PCDH11X: variants seen among roughly 807,000 people sequenced by gnomAD.
The protein encoded by PCDH11X is protocadherin-11 X-linked.
In PCDH11X, 18 loss-of-function variants were observed where a neutral mutation model predicts 53.3. The ratio of observed to expected loss-of-function variants is 0.34; its 90% CI spans 0.23 to 0.50. PCDH11X has a LOEUF of 0.50. Among genes scored for constraint, PCDH11X ranks in the 20% least tolerant of loss-of-function variants. PCDH11X has a pLI of 0.98. For synonymous variants in PCDH11X, 279 were observed against 393.3 expected (o/e 0.71, Z 3.44); for missense variants, 570 against 1,032.4 (o/e 0.55, Z 6.14).
At chrX:92,102,611 T>C (rs1328338061) in intron 6 of PCDH11X, among the ~76,000 whole-genome samples, 1 of 111,884 alleles carries the variant, frequency 8.9e-6, no homozygotes, top group African/African-American at 3.3e-5. Flanking sequence ...CTGTGAAGCC[T>C]TGTGGCAGTA....
intron 1 of PCDH11X, among the ~76,000 whole-genome samples, chrX:91,784,967 CT>C (rs1935280451): frequency 9.1e-6 from 1 of 109,612 alleles, no homozygotes; most frequent in South Asian, 3.9e-4. Flanking sequence ...TCACACAAGA[CT>C]TTTAGTGGAA....
intron 8 of PCDH11X, among the ~76,000 whole-genome samples, chrX:92,264,056 T>G (rs1409279013): frequency 8.9e-6 from 1 of 111,896 alleles, no homozygotes; most frequent in Non-Finnish European, 1.9e-5. Context: ...TAAATATATA[T>G]AATCTTAAAG....
intron 9 of PCDH11X, among the ~76,000 whole-genome samples, chrX:92,390,113 C>A (rs1603298001): frequency 9.1e-6 from 1 of 110,376 alleles, no homozygotes; most frequent in East Asian, 2.8e-4. Flanking sequence ...AAAATGAATG[C>A]CCATTTTCTA....
At chrX:92,519,660 T>C (rs2074334061) in intron 10 of PCDH11X, among the ~76,000 whole-genome samples, 1 of 108,581 alleles carries the variant, frequency 9.2e-6, no homozygotes. Context: ...GTGTACCCTT[T>C]ATTATTAGTT....
chrX:92,235,868 G>T (rs987524477), intron 7 of PCDH11X, among the ~76,000 whole-genome samples: 1 of 110,326 alleles, frequency 9.1e-6, no homozygotes, highest in Admixed American at 9.8e-5. Flanking sequence ...GCCCGGGGTA[G>T]GATTTTGGCT....
chrX:92,029,414 A>G (rs898615871), intron 6 of PCDH11X, among the ~76,000 whole-genome samples: 9 of 112,171 alleles, frequency 8.0e-5, no homozygotes, highest in African/African-American at 2.9e-4. Flanking sequence ...CATTCAAGTG[A>G]GGCTGAAATT....
chrX:91,839,458 A>C (rs1460202940), intron 5 of PCDH11X, among the ~76,000 whole-genome samples: 1 of 88,637 alleles, frequency 1.1e-5, no homozygotes, highest in African/African-American at 4.5e-5. Flanking sequence ...TACTAAAAAA[A>C]TACAAAAAAA....
chrX:91,827,936 C>T (rs1005996427), intron 4 of PCDH11X, among the ~76,000 whole-genome samples: 26 of 107,418 alleles, frequency 2.4e-4, no homozygotes, highest in African/African-American at 8.8e-4. Context: ...TTTTTTTGTT[C>T]CATATGAATT....
At chrX:92,373,946 C>T (rs941755111) in intron 8 of PCDH11X, among the ~76,000 whole-genome samples, 3 of 111,084 alleles carry the variant, frequency 2.7e-5, no homozygotes, top group Non-Finnish European at 5.7e-5. Flanking sequence ...TCATCCTTTT[C>T]TAATAACCAA....
chrX:92,308,929 A>G (rs1054890721), intron 8 of PCDH11X, among the ~76,000 whole-genome samples: 3 of 110,217 alleles, frequency 2.7e-5, no homozygotes, highest in Non-Finnish European at 5.7e-5. Context: ...TAAAACCACA[A>G]CAAGAAACCA....
intron 7 of PCDH11X, among the ~76,000 whole-genome samples, chrX:92,259,699 G>C (rs2067673763): frequency 9.0e-6 from 1 of 111,233 alleles, no homozygotes; most frequent in Non-Finnish European, 1.9e-5. Context: ...GTAATGCTCT[G>C]AGTCTCACTA....
intron 6 of PCDH11X, among the ~76,000 whole-genome samples, chrX:91,998,448 ATTGATAAAAT>A (rs913604005): frequency 6.5e-5 from 7 of 108,399 alleles, no homozygotes; most frequent in African/African-American, 2.0e-4. Flanking sequence ...TAGCTAAAAG[ATTGATAAAAT>A]TTGATAAAAT....
At chrX:92,509,015 C>G (rs894018623) in intron 10 of PCDH11X, among the ~76,000 whole-genome samples, 1 of 94,930 alleles carries the variant, frequency 1.1e-5, no homozygotes, top group Non-Finnish European at 2.1e-5. Context: ...TTACAGCCAC[C>G]TATTTTTATT....
At chrX:92,183,190 C>T (rs776860616) in intron 6 of PCDH11X, among the ~76,000 whole-genome samples, 3 of 109,130 alleles carry the variant, frequency 2.7e-5, no homozygotes, top group African/African-American at 1.0e-4. Flanking sequence ...AGTTTCCAAA[C>T]AGGCATTCCT....
intron 8 of PCDH11X, among the ~76,000 whole-genome samples, chrX:92,310,834 A>G (rs1399348806): frequency 8.9e-6 from 1 of 112,441 alleles, no homozygotes; most frequent in East Asian, 2.8e-4. Context: ...AAATAGTTAA[A>G]ATGTAGATTT....
At chrX:92,111,109 T>C (rs1382834550) in intron 6 of PCDH11X, among the ~76,000 whole-genome samples, 16 of 105,312 alleles carry the variant, frequency 1.5e-4, no homozygotes, top group African/African-American at 5.5e-4. Context: ...TTTAGTTTAG[T>C]CTGCAGCAGT....
intron 10 of PCDH11X, among the ~76,000 whole-genome samples, chrX:92,523,196 C>A: frequency 8.9e-6 from 1 of 112,154 alleles, no homozygotes; most frequent in Middle Eastern, 4.6e-3. Flanking sequence ...CTCAGCGATG[C>A]ACTGCTTTTT....
chrX:92,111,464 A>G (rs1224312730), intron 6 of PCDH11X, among the ~76,000 whole-genome samples: 4 of 106,164 alleles, frequency 3.8e-5, no homozygotes, highest in African/African-American at 1.4e-4. Flanking sequence ...ATGTAATGCT[A>G]CTCGAAGAAA....
intron 6 of PCDH11X, among the ~76,000 whole-genome samples, chrX:92,070,359 G>T (rs1411173200): frequency 9.0e-6 from 1 of 111,289 alleles, no homozygotes; most frequent in African/African-American, 3.3e-5. Flanking sequence ...TATAGGACAT[G>T]AAATCCCTCA....
Sources: gnomAD v4.1 joint callset for allele counts (sites outside exome capture counted in the v4.1 genomes callset) on GRCh38, gnomAD v4.1.1 for gene constraint, MANE v1.5 for transcripts, NCBI Gene and HGNC (gene_info 2026-07-23, HGNC 2026-07-21) for gene names.